The following MCTP1 variants were observed in gnomAD, a reference collection of about 807,000 sequenced individuals.
The protein encoded by MCTP1 is multiple C2 and transmembrane domain containing 1.
A neutral mutation model predicts 120.6 loss-of-function variants in MCTP1; 69 were observed. The ratio of observed to expected loss-of-function variants is 0.57; its 90% CI spans 0.47 to 0.70. MCTP1 has a LOEUF of 0.70. MCTP1 is among the 30% of genes least tolerant of loss of function. The pLI, the probability that MCTP1 is intolerant of heterozygous loss-of-function variation, is 0.00. For missense variants in MCTP1, 1,203 were observed against 1,248.8 expected, an observed-to-expected ratio of 0.96 and a Z score of 0.55; for synonymous variants, 529 against 493.1, an observed-to-expected ratio of 1.07 and a Z score of -0.96.
chr5:95,034,153 G>A (rs1365104143), intron 1 of MCTP1, among the ~76,000 whole-genome samples: 1 of 151,768 alleles, frequency 6.6e-6, no homozygotes, highest in Non-Finnish European at 1.5e-5. Flanking sequence ...ACTGCCCAAA[G>A]CAATCTATAG....
chr5:95,024,710 A>G (rs1222850141), intron 1 of MCTP1, among the ~76,000 whole-genome samples: 4 of 151,798 alleles, frequency 2.6e-5, no homozygotes, highest in African/African-American at 9.7e-5. Context: ...GTTAGAATTG[A>G]TAATGGAATT....
intron 1 of MCTP1, among the ~76,000 whole-genome samples, chr5:95,034,355 G>A (rs1340345658): frequency 2.0e-5 from 3 of 152,010 alleles, no homozygotes; most frequent in South Asian, 2.1e-4. Context: ...AAAGCAGCAC[G>A]GCACTGCTAC....
At chr5:94,773,090 A>G (rs1774450112) in intron 19 of MCTP1, among the ~76,000 whole-genome samples, 1 of 152,200 alleles carries the variant, frequency 6.6e-6, no homozygotes, top group African/African-American at 2.4e-5. Context: ...TTAAGCACCA[A>G]TAGGTTCACA....
chr5:94,921,652 T>C (rs1811692960), intron 7 of MCTP1, among the ~76,000 whole-genome samples: 1 of 152,196 alleles, frequency 6.6e-6, no homozygotes, highest in South Asian at 2.1e-4. Flanking sequence ...GTGAGGTCAG[T>C]TAGTTACCAG....
In MCTP1 at chr5:94,772,650, T is replaced by G. The variant is rs556154104; in HGVS notation, c.2610+6460A>C. On this transcript the variant is annotated intron_variant, in intron 19 of 22. Coordinates refer to ENST00000515393, the MANE Select transcript of MCTP1 (RefSeq NM_024717.7). The stretch of plus-strand genomic sequence containing the variant: ...CTACACACTCCCTCAGTTGAAACTG[T>G]AGGAAAGGATTGGATATGCAGGAAA... Among the ~76,000 whole-genome samples the G allele has an allele frequency of 3.9e-5, 6 of 152,180 alleles. No homozygotes were observed. The South Asian group carries it at 1.2e-3, about 32-fold the overall frequency.
At chr5:95,069,291 C>T (rs73140021) in intron 1 of MCTP1, among the ~76,000 whole-genome samples, 4,884 of 152,278 alleles carry the variant, frequency 0.032, 79 homozygotes, top group Admixed American at 0.04. Flanking sequence ...AACATTTGTA[C>T]GTACTCCTAA....
chr5:94,942,853 T>C lies in MCTP1; in HGVS notation c.982-426A>G, dbSNP rs541508224. Among the ~76,000 whole-genome samples, 3 of 152,156 alleles carry C rather than the reference T, an allele frequency of 2.0e-5. No homozygotes were observed. In the South Asian group the frequency reaches 6.2e-4, roughly 32 times the overall value. On this transcript the variant is annotated intron_variant, in intron 3 of 22. Coordinates refer to ENST00000515393, the MANE Select transcript of MCTP1 (RefSeq NM_024717.7). ...GACAATGCCACTTTAAACATACAAA[T>C]AAGTAAAAAGATACTATGATTAACC...
At chr5:95,048,472 A>G (rs1745106798) in intron 1 of MCTP1, among the ~76,000 whole-genome samples, 1 of 152,194 alleles carries the variant, frequency 6.6e-6, no homozygotes, top group African/African-American at 2.4e-5. Flanking sequence ...CCTAGTTAAA[A>G]TGTTACTTAT....
At chr5:94,965,001 T>C (rs1454019405) in intron 2 of MCTP1, among the ~76,000 whole-genome samples, 3 of 152,240 alleles carry the variant, frequency 2.0e-5, no homozygotes, top group Non-Finnish European at 4.4e-5. Context: ...ATTAGAATAA[T>C]AACTATTGGT....
chr5:95,095,004 AG>A (rs1442976802), intron 1 of MCTP1, among the ~76,000 whole-genome samples: 2 of 84,942 alleles, frequency 2.4e-5, no homozygotes, highest in Non-Finnish European at 4.6e-5. Context: ...TTGTTATGTT[AG>A]ATTTTTTTTT....
chr5:95,056,827 G>A (rs1747508686), intron 1 of MCTP1, among the ~76,000 whole-genome samples: 1 of 151,790 alleles, frequency 6.6e-6, no homozygotes, highest in African/African-American at 2.4e-5. Flanking sequence ...TCTTGCTCCT[G>A]GATTTTCCTG....
chr5:95,109,713 C>A (rs774631097), intron 1 of MCTP1, among the ~76,000 whole-genome samples: 2 of 152,118 alleles, frequency 1.3e-5, no homozygotes, highest in South Asian at 2.1e-4. Flanking sequence ...TTTTAGACAC[C>A]TACCTTATGT....
chr5:94,762,447 G>A (rs1246551224), intron 19 of MCTP1, among the ~76,000 whole-genome samples: 2 of 152,092 alleles, frequency 1.3e-5, no homozygotes, highest in Admixed American at 6.6e-5. Context: ...TTGTTTCCAC[G>A]TTGGATCTGT....
chr5:95,016,423 T>G (rs1837119955), intron 2 of MCTP1, among the ~76,000 whole-genome samples: 1 of 152,144 alleles, frequency 6.6e-6, no homozygotes, highest in South Asian at 2.1e-4. Flanking sequence ...TTTCTCTATT[T>G]TATTCCTTTA....
At chr5:95,191,456 T>C (rs1464422518) in intron 1 of MCTP1, among the ~76,000 whole-genome samples, 1 of 151,994 alleles carries the variant, frequency 6.6e-6, no homozygotes, top group Non-Finnish European at 1.5e-5. Flanking sequence ...CACATGCGAA[T>C]CTGAAGAAAA....
At chr5:94,786,492 G>C (rs1221954379) in intron 18 of MCTP1, among the ~76,000 whole-genome samples, 2 of 152,110 alleles carry the variant, frequency 1.3e-5, no homozygotes, top group Non-Finnish European at 2.9e-5. Flanking sequence ...GGACTGAAAA[G>C]AATGTCTGTG....
intron 1 of MCTP1, among the ~76,000 whole-genome samples, chr5:95,049,439 G>C (rs913908084): frequency 1.5e-4 from 23 of 152,200 alleles, no homozygotes; most frequent in African/African-American, 5.3e-4. Flanking sequence ...AAAACATTAT[G>C]CTAAAATAGT....
intron 1 of MCTP1, among the ~76,000 whole-genome samples, chr5:95,195,286 G>A (rs1750253814): frequency 6.6e-6 from 1 of 152,172 alleles, no homozygotes; most frequent in Non-Finnish European, 1.5e-5. Flanking sequence ...AGACAATTTT[G>A]ATACGCCATA....
chr5:95,202,308 A>C (rs1751156095), intron 1 of MCTP1, among the ~76,000 whole-genome samples: 1 of 152,200 alleles, frequency 6.6e-6, no homozygotes, highest in South Asian at 2.1e-4. Flanking sequence ...TTAGGTTCTC[A>C]GGCTTTTGGC....
Sources: gnomAD v4.1 joint callset for allele counts (sites outside exome capture counted in the v4.1 genomes callset) on GRCh38, gnomAD v4.1.1 for gene constraint, MANE v1.5 for transcripts, NCBI Gene and HGNC (gene_info 2026-07-23, HGNC 2026-07-21) for gene names.